Variants in DAB1 observed in about 807,000 individuals in gnomAD.
The protein encoded by DAB1 is disabled homolog 1.
DAB1 carries 15 observed loss-of-function variants against 64.6 expected under a neutral mutation model. That is an observed-to-expected ratio of 0.23 (90% CI 0.16 to 0.36). DAB1 has a LOEUF of 0.36. Ranked by LOEUF, DAB1 falls within the 10% of genes least tolerant of loss-of-function variation. The pLI is 1.00. For missense variants in DAB1, 596 were observed against 706.7 expected (o/e 0.84, Z 1.78); for synonymous variants, 235 against 251.9 (o/e 0.93, Z 0.64).
chr1:57,440,927 G>A (rs1004381530), intron 7 of DAB1, among the ~76,000 whole-genome samples: 34 of 152,168 alleles, frequency 2.2e-4, no homozygotes, highest in African/African-American at 7.0e-4. Context: ...TTACGTGGGT[G>A]TACAGCATGA....
At chr1:57,263,038 C>T (rs1368775111) in intron 2 of DAB1, among the ~76,000 whole-genome samples, 1 of 152,182 alleles carries the variant, frequency 6.6e-6, no homozygotes, top group Non-Finnish European at 1.5e-5. Flanking sequence ...TAGCATCTGT[C>T]TCTTAAAAGC....
intron 1 of DAB1, chr1:57,387,290 A>T (rs1681947150): frequency 6.6e-6 from 1 of 152,084 alleles, no homozygotes; most frequent in Non-Finnish European, 1.5e-5. Context: ...ACCCCTAATA[A>T]CCCATAGCTA....
At chr1:57,913,814 C>CAT (rs1412290271) in intron 5 of DAB1, among the ~76,000 whole-genome samples, 1 of 152,174 alleles carries the variant, frequency 6.6e-6, no homozygotes, top group African/African-American at 2.4e-5. Context: ...CAAAAGAAGA[C>CAT]ATTTATGCAG....
intron 4 of DAB1, among the ~76,000 whole-genome samples, chr1:58,190,257 T>C (rs1343707197): frequency 6.6e-6 from 1 of 152,160 alleles, no homozygotes; most frequent in Admixed American, 6.5e-5. Flanking sequence ...TGTTCTCACA[T>C]TGGGTCAAAG....
At chr1:58,065,518 C>T (rs1648801481) in intron 5 of DAB1, among the ~76,000 whole-genome samples, 2 of 152,032 alleles carry the variant, frequency 1.3e-5, no homozygotes, top group African/African-American at 4.8e-5. Context: ...AAGCAATCAA[C>T]AAATTCAGTT....
intron 6 of DAB1, 26 bp from the exon 7 acceptor site, chr1:57,071,087 G>A (rs750944305): frequency 1.2e-6 from 2 of 1,604,044 alleles, no homozygotes; most frequent in Admixed American, 1.7e-5. Flanking sequence ...GAGAGGGAGG[G>A]TGAAAAGCAG....
chr1:57,318,155 C>CAAAAAAAAAAAAAA (rs3042914), intron 1 of DAB1, among the ~76,000 whole-genome samples: 3 of 103,442 alleles, frequency 2.9e-5, no homozygotes, highest in Admixed American at 1.1e-4. Context: ...AGCTGCAACT[C>CAAAAAAAAAAAAAA]AAAAAAAAAA....
At chr1:57,036,632 T>G (rs935754459) in intron 9 of DAB1, among the ~76,000 whole-genome samples, 2 of 152,250 alleles carry the variant, frequency 1.3e-5, no homozygotes, top group African/African-American at 4.8e-5. Context: ...TTTGTTTTGT[T>G]TCTTACAGAT....
At position 58,484,073 on chromosome 1, in the gene DAB1, C is replaced by T. The variant is rs925666943; in HGVS notation, n.257+21987G>A. Among the ~76,000 whole-genome samples, 13 of 152,138 alleles carry T rather than the reference C, an allele frequency of 8.5e-5. 1 individual carries two copies. The highest frequency in any genetic ancestry group is 7.9e-4 in the Admixed American group (12 of 15,282). On this transcript the variant is annotated intron_variant and non_coding_transcript_variant, in intron 3 of 20. Transcript: ENST00000485760. ...ATTCAGTAAAAACTCTTCTCTTATC[C>T]TTAAATTCGCTTATTCAGTCTTTTT...
intron 2 of DAB1, among the ~76,000 whole-genome samples, chr1:57,259,086 A>G (rs1479917870): frequency 6.6e-6 from 1 of 152,194 alleles, no homozygotes; most frequent in Non-Finnish European, 1.5e-5. Context: ...GCATCTGGCT[A>G]ATGTTACACA....
intron 6 of DAB1, among the ~76,000 whole-genome samples, chr1:57,726,265 A>G (rs1647209190): frequency 6.6e-6 from 1 of 152,204 alleles, no homozygotes; most frequent in East Asian, 1.9e-4. Context: ...ACAAGTCATC[A>G]CTTCATCTAT....
chr1:57,086,144 T>G (rs1054086293), intron 4 of DAB1, among the ~76,000 whole-genome samples: 1 of 152,110 alleles, frequency 6.6e-6, no homozygotes, highest in African/African-American at 2.4e-5. Flanking sequence ...CTGGAGTGGT[T>G]GAAATTGTCA....
At chr1:58,153,364 T>G (rs1655049293) in intron 4 of DAB1, among the ~76,000 whole-genome samples, 1 of 152,192 alleles carries the variant, frequency 6.6e-6, no homozygotes, top group Admixed American at 6.5e-5. Context: ...TTATCCACAT[T>G]GCACAGATCA....
intron 4 of DAB1, among the ~76,000 whole-genome samples, chr1:58,161,953 G>A (rs1655560507): frequency 6.6e-6 from 1 of 152,098 alleles, no homozygotes; most frequent in African/African-American, 2.4e-5. Context: ...GATTTGAGGG[G>A]TACAAAAGCA....
At chr1:58,456,705 T>C (rs1041345008) in intron 3 of DAB1, among the ~76,000 whole-genome samples, 24 of 152,200 alleles carry the variant, frequency 1.6e-4, no homozygotes, top group African/African-American at 5.1e-4. Context: ...CAAATACTTA[T>C]GAAGCTCCAG....
chr1:58,033,774 T>C (rs1028008659), intron 5 of DAB1, among the ~76,000 whole-genome samples: 3 of 152,236 alleles, frequency 2.0e-5, no homozygotes, highest in African/African-American at 7.2e-5. Context: ...TTTCTGCTGA[T>C]ATTTTTTATA....
chr1:57,328,700 C>G (rs1354150344), intron 1 of DAB1, among the ~76,000 whole-genome samples: 1 of 152,134 alleles, frequency 6.6e-6, no homozygotes, highest in Non-Finnish European at 1.5e-5. Context: ...GGTCTTTTGA[C>G]TAACTGTCCT....
At chr1:57,566,561 CA>C (rs1161204906) in intron 7 of DAB1, among the ~76,000 whole-genome samples, 2 of 152,052 alleles carry the variant, frequency 1.3e-5, no homozygotes, top group African/African-American at 2.4e-5. Flanking sequence ...AGAGAAGAAT[CA>C]AATAGACGCA....
intron 4 of DAB1, among the ~76,000 whole-genome samples, chr1:58,217,892 A>G (rs1236366866): frequency 1.3e-5 from 2 of 152,154 alleles, no homozygotes; most frequent in African/African-American, 2.4e-5. Flanking sequence ...GAATCAATCA[A>G]TCATCAATCA....
Sources: gnomAD v4.1 joint callset for allele counts (sites outside exome capture counted in the v4.1 genomes callset) on GRCh38, gnomAD v4.1.1 for gene constraint, MANE v1.5 for transcripts, NCBI Gene and HGNC (gene_info 2026-07-23, HGNC 2026-07-21) for gene names.